The following CNOT10 variants were observed in gnomAD, a reference collection of about 807,000 sequenced individuals.
CNOT10 encodes the protein CCR4-NOT transcription complex subunit 10, also known as CCR4-NOT transcription complex, subunit 10.
A neutral mutation model predicts 94.6 loss-of-function variants in CNOT10; 30 were observed. That is an observed-to-expected ratio of 0.32 (90% confidence interval 0.24 to 0.43). The LOEUF (loss-of-function observed/expected upper bound fraction) is 0.43, where lower values mean the gene tolerates loss of function less well. CNOT10 is among the 20% of genes least tolerant of loss of function. The pLI is 1.00. For missense variants in CNOT10, 759 were observed against 877.2 expected (o/e 0.87, Z 1.70); for synonymous variants, 289 against 301.6 (o/e 0.96, Z 0.43).
At chr3:32,741,179 CT>C (rs1421406734) in intron 13 of CNOT10, among the ~76,000 whole-genome samples, 2 of 152,008 alleles carry the variant, frequency 1.3e-5, no homozygotes, top group Non-Finnish European at 1.5e-5. Flanking sequence ...AGCATGTAAC[CT>C]TTTGGGATTG....
At chr3:32,768,801 A>G (rs567608820) in intron 17 of CNOT10, among the ~76,000 whole-genome samples, 39 of 152,232 alleles carry the variant, frequency 2.6e-4, no homozygotes, top group Admixed American at 6.5e-4. Flanking sequence ...GATTTCTCCT[A>G]ATGCTGCCAG....
intron 8 of CNOT10, among the ~76,000 whole-genome samples, chr3:32,721,246 G>A (rs1467517682): frequency 6.7e-6 from 1 of 150,224 alleles, no homozygotes; most frequent in Non-Finnish European, 1.5e-5. Context: ...GTATTTTTTG[G>A]TAGAGACAAG....
chr3:32,697,713 A>G (rs1697142576), intron 1 of CNOT10, among the ~76,000 whole-genome samples: 1 of 152,198 alleles, frequency 6.6e-6, no homozygotes, highest in Admixed American at 6.5e-5. Flanking sequence ...AGGCTCAAGC[A>G]GTCCTCCTTC....
chr3:32,690,908 A>T (rs573633791), intron 1 of CNOT10, among the ~76,000 whole-genome samples: 1 of 152,292 alleles, frequency 6.6e-6, no homozygotes, highest in African/African-American at 2.4e-5. Context: ...AAATTTAAAA[A>T]ATAAAATGAA....
chr3:32,726,902 A>G (rs9821045), intron 9 of CNOT10, among the ~76,000 whole-genome samples: 28,808 of 134,764 alleles, frequency 0.21, 3,636 homozygotes, highest in African/African-American at 0.36. Context: ...GCTGGAGTGC[A>G]GTGGCGTGAT....
intron 1 of CNOT10, among the ~76,000 whole-genome samples, chr3:32,695,160 T>C (rs1204451621): frequency 1.3e-5 from 2 of 152,226 alleles, no homozygotes; most frequent in Admixed American, 1.3e-4. Context: ...TTTCTCCAGC[T>C]CCTCTTGTCC....
intron 18 of CNOT10, among the ~76,000 whole-genome samples, chr3:32,772,091 A>C (rs371696319): frequency 1.2e-4 from 18 of 152,228 alleles, no homozygotes; most frequent in African/African-American, 4.3e-4. Context: ...TGGCTCATGC[A>C]TGTAATCCCA....
Position 32,734,864 on chromosome 3 carries a change from G to A in CNOT10, c.1402G>A (p.Ala468Thr), listed in dbSNP as rs769993768. The A allele has an allele frequency of 1.1e-5, 18 of 1,614,056 alleles. No homozygotes were observed. The highest frequency in any genetic ancestry group is 1.4e-5 in the Non-Finnish European group (17 of 1,179,978). ...MEFAAICLRN[A>T]LLLLPEEQQD... ...GTTTGCAGCCATATGTCTCAGAAAT[G>A]CCTTGTTGCTGCTACCTGAAGAACA... The change falls in exon 12 of 19, where the codon GCC becomes ACC. Residue 468 changes from alanine (A) to threonine (T), a missense_variant. This residue lies in a region of CNOT10 where 682 missense variants were observed against 799.4 expected (regional missense o/e 0.85). Coordinates refer to ENST00000328834, the MANE Select transcript of CNOT10 (RefSeq NM_015442.3).
chr3:32,721,060 C>CGTTT lies in CNOT10; in HGVS notation c.862+829_862+830insGTTT, dbSNP rs779437501. Among the ~76,000 whole-genome samples, 285 of 97,700 alleles carry CGTTT rather than the reference C, an allele frequency of 2.9e-3. 2 individuals carry two copies. The highest frequency in any genetic ancestry group is 4.0e-3 in the Non-Finnish European group (213 of 52,912). 64.1% of individuals were successfully genotyped at this position (97,700 alleles called of 152,430 possible). On this transcript the variant is annotated intron_variant, in intron 8 of 18. Coordinates refer to ENST00000328834, the MANE Select transcript of CNOT10 (RefSeq NM_015442.3). ...TTCCTTCCCTTCCTTTCTTTCCTTT[C>CGTTT]TTTTTTTTTTTTTTTTTTTGACAGA...
In CNOT10 at chr3:32,726,113, T is replaced by A. The variant is rs141828190; in HGVS notation, c.1012+514T>A. 1.0e-3 allele frequency among the ~76,000 whole-genome samples: 156 copies of A among 152,130 alleles called. 2 individuals carry two copies. The East Asian group carries it at 0.015, about 15-fold the overall frequency. ...ACACATGCCACTGTACCTGGCTAAT[T>A]TTTGTGTTTTTTGTAAAGATAGGGT... is the stretch of plus-strand genomic sequence containing the variant. On this transcript the variant is annotated intron_variant, in intron 9 of 18. Transcript: ENST00000328834.
intron 13 of CNOT10, chr3:32,753,523 A>T: frequency 6.3e-7 from 1 of 1,577,940 alleles, no homozygotes; most frequent in Admixed American, 1.7e-5. Context: ...AGTAGTTTCA[A>T]CCAAGATTGA....
At chr3:32,759,873 T>C (rs1700369769) in intron 14 of CNOT10, among the ~76,000 whole-genome samples, 1 of 152,090 alleles carries the variant, frequency 6.6e-6, no homozygotes, top group African/African-American at 2.4e-5. Flanking sequence ...AAAAGGAGTG[T>C]GGTCAATGTG....
intron 10 of CNOT10, chr3:32,730,672 T>C (rs1026220502): frequency 1.1e-4 from 16 of 152,166 alleles, no homozygotes; most frequent in African/African-American, 3.4e-4. Context: ...GGACAGGAGG[T>C]ATGCTGAACA....
intron 13 of CNOT10, among the ~76,000 whole-genome samples, chr3:32,742,512 G>A (rs983130170): frequency 2.0e-5 from 3 of 152,124 alleles, no homozygotes; most frequent in Non-Finnish European, 4.4e-5. Flanking sequence ...CTCCTGAGTA[G>A]CTGAGATTAC....
At chr3:32,695,962 G>T in intron 1 of CNOT10, 1 of 617,224 alleles carries the variant, frequency 1.6e-6, no homozygotes, top group Non-Finnish European at 2.7e-6. Flanking sequence ...TAATCCTGTT[G>T]AAGAGAGTGT....
intron 1 of CNOT10, among the ~76,000 whole-genome samples, chr3:32,686,154 A>T (rs1283060410): frequency 6.6e-6 from 1 of 152,074 alleles, no homozygotes; most frequent in African/African-American, 2.4e-5. Flanking sequence ...ACTTAATCTC[A>T]ATGGTTTTCT....
intron 17 of CNOT10, among the ~76,000 whole-genome samples, chr3:32,766,727 A>G (rs891214880): frequency 1.3e-5 from 2 of 152,126 alleles, no homozygotes; most frequent in East Asian, 3.9e-4. Flanking sequence ...CTGGCAATAT[A>G]TAACTAAAAT....
chr3:32,739,723 G>C (rs948312822), intron 13 of CNOT10, among the ~76,000 whole-genome samples: 1 of 151,976 alleles, frequency 6.6e-6, no homozygotes, highest in Admixed American at 6.6e-5. Context: ...TCAGGAGTTC[G>C]AGATCAGCCT....
At chr3:32,702,121 A>G (rs1697380961) in intron 1 of CNOT10, among the ~76,000 whole-genome samples, 1 of 142,576 alleles carries the variant, frequency 7.0e-6, no homozygotes, top group Admixed American at 7.1e-5. Flanking sequence ...TTCTCAAGAC[A>G]GTCTCACTCT....
Sources: gnomAD v4.1 joint callset for allele counts (sites outside exome capture counted in the v4.1 genomes callset) on GRCh38, gnomAD v4.1.1 for gene constraint, gnomAD v4.1.1 regional missense constraint, MANE v1.5 for transcripts, NCBI Gene and HGNC (gene_info 2026-07-23, HGNC 2026-07-21) for gene names.